The following HSD17B3 variants were observed in gnomAD, a reference collection of about 807,000 sequenced individuals.
The protein encoded by HSD17B3 is 17-beta-hydroxysteroid dehydrogenase type 3.
In HSD17B3, 29 loss-of-function variants were observed where a neutral mutation model predicts 41.1. The observed-to-expected ratio is 0.71, with a 90% confidence interval of 0.53 to 0.96. The LOEUF is 0.96. Ranked by LOEUF, HSD17B3 falls within the 40% of genes least tolerant of loss-of-function variation. The pLI, the probability that HSD17B3 is intolerant of heterozygous loss-of-function variation, is 0.00. For synonymous variants in HSD17B3, 126 were observed against 145.6 expected, an observed-to-expected ratio of 0.87 and a Z score of 0.97; for missense variants, 323 against 374.6, an observed-to-expected ratio of 0.86 and a Z score of 1.14.
At chr9:96,251,822 A>ATTT (rs1825425164) in intron 4 of HSD17B3, among the ~76,000 whole-genome samples, 1 of 152,228 alleles carries the variant, frequency 6.6e-6, no homozygotes, top group Non-Finnish European at 1.5e-5. Context: ...GATTAGAAAA[A>ATTT]TGTGCACCAA....
chr9:96,290,509 T>C (rs1827114781), intron 2 of HSD17B3, among the ~76,000 whole-genome samples: 1 of 120,046 alleles, frequency 8.3e-6, no homozygotes, highest in African/African-American at 3.3e-5. Flanking sequence ...CTGGAGAAAC[T>C]GGCAGTTTAG....
Position 96,244,479 on chromosome 9 carries a change from A to C in HSD17B3, c.607-85T>G, listed in dbSNP as rs997194691. On this transcript the variant is annotated intron_variant, in intron 8 of 10. Coordinates refer to ENST00000375263, the MANE Select transcript of HSD17B3 (RefSeq NM_000197.2). Reference sequence around the variant, plus strand: ...TTCCTCTGACTTCAAGGGGCACTGCAGACACACTACCTGCTAGACCTTAAA... The same window carrying C: ...TTCCTCTGACTTCAAGGGGCACTGCCGACACACTACCTGCTAGACCTTAAA... 12 of 1,225,432 alleles carry C rather than the reference A, an allele frequency of 9.8e-6. No individual in the cohort carries two copies. The Admixed American group carries it at 2.0e-4, about 21-fold the overall frequency. The allele number at this position is 1,225,432 out of a possible 1,614,324, so 75.9% of individuals were successfully genotyped here.
chr9:96,259,784 T>C (rs1825797282), intron 2 of HSD17B3, among the ~76,000 whole-genome samples: 1 of 152,294 alleles, frequency 6.6e-6, no homozygotes, highest in East Asian at 1.9e-4. Flanking sequence ...ATTGTGTTAC[T>C]TATTTTTCTA....
At chr9:96,271,479 T>C (rs571622976) in intron 2 of HSD17B3, among the ~76,000 whole-genome samples, 3 of 152,324 alleles carry the variant, frequency 2.0e-5, no homozygotes, top group African/African-American at 7.2e-5. Context: ...CAGCCTTCCT[T>C]GCACTTGGGT....
intron 5 of HSD17B3, among the ~76,000 whole-genome samples, chr9:96,250,810 C>A (rs1836867473): frequency 6.6e-6 from 1 of 151,678 alleles, no homozygotes; most frequent in African/African-American, 2.4e-5. Flanking sequence ...ATCGCTTGAA[C>A]CCGGGAGGCA....
At chr9:96,287,869 C>CA (rs35941200) in intron 2 of HSD17B3, among the ~76,000 whole-genome samples, 1,656 of 116,010 alleles carry the variant, frequency 0.014, 12 homozygotes, top group East Asian at 0.055. Context: ...TCATAATAGC[C>CA]AAAAAAAAAA....
intron 2 of HSD17B3, among the ~76,000 whole-genome samples, chr9:96,288,733 G>A (rs1042066047): frequency 1.3e-5 from 2 of 152,014 alleles, no homozygotes; most frequent in Non-Finnish European, 1.5e-5. Context: ...TCAGGACATC[G>A]AGACCATCCT....
At chr9:96,265,441 T>C (rs1158744400) in intron 2 of HSD17B3, among the ~76,000 whole-genome samples, 1 of 152,248 alleles carries the variant, frequency 6.6e-6, no homozygotes, top group Non-Finnish European at 1.5e-5. Context: ...TGTGTAATGT[T>C]GTTTGATCCT....
At chr9:96,246,662 G>A in intron 6 of HSD17B3, 72 bp from the exon 7 acceptor site, 13 of 1,360,422 alleles carry the variant, frequency 9.6e-6, no homozygotes, top group Non-Finnish European at 1.2e-5. Context: ...ATGGAAACAG[G>A]GAAGGGAGCG....
At chr9:96,246,453 T>A (rs1288867808) in intron 7 of HSD17B3, 103 bp downstream of exon 7, 4 of 1,031,400 alleles carry the variant, frequency 3.9e-6, no homozygotes, top group Non-Finnish European at 6.1e-6. Context: ...TTATCGTTTG[T>A]TAAAGCACAG....
chr9:96,276,941 C>T (rs1826482811), intron 2 of HSD17B3, among the ~76,000 whole-genome samples: 1 of 152,126 alleles, frequency 6.6e-6, no homozygotes. Context: ...GTGGCTCACA[C>T]CTGTAATCCC....
intron 2 of HSD17B3, among the ~76,000 whole-genome samples, chr9:96,288,116 C>A (rs532422902): frequency 6.6e-5 from 10 of 152,146 alleles, no homozygotes; most frequent in Admixed American, 2.0e-4. Flanking sequence ...CAGCCTAGGG[C>A]TAGGGATAGG....
intron 2 of HSD17B3, among the ~76,000 whole-genome samples, chr9:96,279,777 T>C (rs1826610874): frequency 7.1e-6 from 1 of 141,182 alleles, no homozygotes; most frequent in Non-Finnish European, 1.6e-5. Flanking sequence ...TTTGTCACTC[T>C]TTTTTTTTTT....
chr9:96,240,751 C>T lies in HSD17B3; in HGVS notation c.822+7G>A. 3 of 1,614,132 alleles carry T rather than the reference C, an allele frequency of 1.9e-6. No individual in the cohort carries two copies. The highest frequency in any genetic ancestry group is 2.5e-6 in the Non-Finnish European group (3 of 1,180,034). On this transcript the variant is annotated splice_region_variant and intron_variant, in intron 10 of 10. Coordinates refer to ENST00000375263, the MANE Select transcript of HSD17B3 (RefSeq NM_000197.2). Reference sequence around the variant, plus strand: ...TGGCTTCAAGAAAAGGAGAAGTTATCAATTACCAAGATTTCATGGGCAAGG... The same window carrying T: ...TGGCTTCAAGAAAAGGAGAAGTTATTAATTACCAAGATTTCATGGGCAAGG...
Position 96,244,437 on chromosome 9 carries a change from C to T in HSD17B3, c.607-43G>A, listed in dbSNP as rs1326106642. Reference sequence around the variant, plus strand: ...GACACCTGAGGCCCCAGAGTGAGCTCCCTCGTCAGAGCCAACTTCCTCTGA... The same window carrying T: ...GACACCTGAGGCCCCAGAGTGAGCTTCCTCGTCAGAGCCAACTTCCTCTGA... On this transcript the variant is annotated intron_variant, in intron 8 of 10. Transcript: ENST00000375263. The T allele has an allele frequency of 3.7e-6, 6 of 1,600,720 alleles. No homozygotes were observed. In the East Asian group the frequency reaches 1.1e-4, roughly 30 times the overall value.
chr9:96,241,979 AAGAAAGAAAGAAAGAAAGAAAGAAAG>A (rs1262832875), intron 9 of HSD17B3, among the ~76,000 whole-genome samples: 2 of 149,196 alleles, frequency 1.3e-5, no homozygotes, highest in African/African-American at 5.0e-5. Flanking sequence ...GAAAGAAAGA[AAGAAAGAAAGAAAGAAAGAAAGAAAG>A]AGAAAGAAAA....
rs181056101 is a variant in HSD17B3 at position 96,267,712 on chromosome 9, T to C, written c.202-12769A>G. Among the ~76,000 whole-genome samples, 502 of 151,918 alleles carry C rather than the reference T, an allele frequency of 3.3e-3. 2 individuals are homozygous for C. Among genetic ancestry groups the C allele is most frequent in the African/African-American group, 0.012 (488 of 41,454 alleles). ...CAAAGGGGCAAAGAAATAGAAATTA[T>C]GAGAAAAAAAGGAAGAGAAATAAAG... On this transcript the variant is annotated intron_variant, in intron 2 of 10. Transcript: ENST00000375263.
intron 2 of HSD17B3, among the ~76,000 whole-genome samples, chr9:96,280,062 C>T (rs1203342289): frequency 6.6e-6 from 1 of 152,126 alleles, no homozygotes; most frequent in Non-Finnish European, 1.5e-5. Flanking sequence ...AGCCACTGTG[C>T]CCGGCCTGCT....
intron 2 of HSD17B3, among the ~76,000 whole-genome samples, chr9:96,293,290 C>T (rs1827222154): frequency 1.3e-5 from 2 of 152,132 alleles, no homozygotes; most frequent in South Asian, 2.1e-4. Flanking sequence ...AAGCATATTA[C>T]ACTCCATAAG....
Sources: gnomAD v4.1 joint callset for allele counts (sites outside exome capture counted in the v4.1 genomes callset) on GRCh38, gnomAD v4.1.1 for gene constraint, MANE v1.5 for transcripts, NCBI Gene and HGNC (gene_info 2026-07-23, HGNC 2026-07-21) for gene names.